Variants in MMRN1 observed in about 807,000 individuals in gnomAD.
The protein encoded by MMRN1 is multimerin 1, also known as multimerin-1.
In MMRN1, 94 loss-of-function variants were observed where a neutral mutation model predicts 100.7. The observed-to-expected ratio is 0.93, with a 90% CI of 0.79 to 1.11. MMRN1 has a LOEUF of 1.11. Among genes scored for constraint, MMRN1 ranks in the 50% least tolerant of loss-of-function variants. The pLI is 0.00. For missense variants in MMRN1, 1,606 were observed against 1,439.1 expected (o/e 1.12, Z -1.88); for synonymous variants, 575 against 505.0 (o/e 1.14, Z -1.86).
At chr4:89,944,602 T>A (rs890822186) in intron 6 of MMRN1, among the ~76,000 whole-genome samples, 2 of 152,108 alleles carry the variant, frequency 1.3e-5, no homozygotes, top group Non-Finnish European at 2.9e-5. Context: ...TGGATGAGGG[T>A]TGTTTAGAGG....
At chr4:89,907,737 C>T (rs1231790829) in intron 1 of MMRN1, among the ~76,000 whole-genome samples, 1 of 151,102 alleles carries the variant, frequency 6.6e-6, no homozygotes, top group Non-Finnish European at 1.5e-5. Context: ...ATTTTTAATT[C>T]ACATATTGTA....
chr4:89,952,552 G>A (rs1046062339), intron 7 of MMRN1, among the ~76,000 whole-genome samples: 4 of 151,986 alleles, frequency 2.6e-5, no homozygotes, highest in Admixed American at 1.3e-4. Context: ...TATGGTTTTC[G>A]TTTTAGCCTT....
At position 89,909,243 on chromosome 4, in the gene MMRN1, A is replaced by T. The variant is rs369013197; in HGVS notation, c.624-33A>T. ...ATGAAAAGAATTCTTTTTTGACAAC[A>T]GTTTTTTCCCTAACAATTATGATCT... On this transcript the variant is annotated intron_variant, in intron 1 of 7. Transcript: ENST00000264790. The T allele has an allele frequency of 3.9e-6, 6 of 1,549,774 alleles. No individual in the cohort carries two copies. In the African/African-American group the frequency reaches 7.0e-5, roughly 18 times the overall value.
At chr4:89,925,302 A>ATTTTTTT (rs1176427401) in intron 4 of MMRN1, among the ~76,000 whole-genome samples, 4 of 101,962 alleles carry the variant, frequency 3.9e-5, no homozygotes, top group Non-Finnish European at 5.6e-5. Flanking sequence ...TGCCTGGTTA[A>ATTTTTTT]TTTTTTTTTT....
Position 89,927,905 on chromosome 4 carries a change from T to TA in MMRN1, c.1067dup (p.Tyr356Ter). The change falls in exon 5 of 8, where the codon TAC becomes TAAC. Residue 356 changes from tyrosine to a stop codon, truncating the protein, a stop_gained and frameshift_variant. Coordinates refer to ENST00000264790, the MANE Select transcript of MMRN1 (RefSeq NM_007351.3). LOFTEE classifies it high-confidence loss of function. ...SLTVNDVRNT[Y>*]SSLEGKVSED... ...GACTGTGAATGATGTAAGGAACACT[T>TA]ACTCCTCCCTAGAAGGAAAAGTCAG... 1 of 1,611,122 alleles carries TA rather than the reference T, an allele frequency of 6.2e-7. No individual in the cohort carries two copies. Among genetic ancestry groups the TA allele is most frequent in the Non-Finnish European group, 8.5e-7 (1 of 1,178,690 alleles).
At chr4:89,914,522 A>G (rs1268991699) in intron 3 of MMRN1, among the ~76,000 whole-genome samples, 1 of 151,524 alleles carries the variant, frequency 6.6e-6, no homozygotes, top group Non-Finnish European at 1.5e-5. Flanking sequence ...ATCTAAATGA[A>G]TAGAACTTTA....
intron 6 of MMRN1, among the ~76,000 whole-genome samples, chr4:89,942,112 C>T (rs1204808927): frequency 1.3e-5 from 2 of 152,082 alleles, no homozygotes; most frequent in Non-Finnish European, 2.9e-5. Flanking sequence ...CTAACATTTG[C>T]TCTGACATGA....
At chr4:89,884,174 T>G (rs1038746765) in intron 1 of MMRN1, among the ~76,000 whole-genome samples, 1 of 152,156 alleles carries the variant, frequency 6.6e-6, no homozygotes, top group Non-Finnish European at 1.5e-5. Flanking sequence ...GAAAATTGTT[T>G]GAGTTTTTAG....
intron 3 of MMRN1, among the ~76,000 whole-genome samples, chr4:89,922,190 C>T (rs1560589002): frequency 1.3e-5 from 2 of 152,068 alleles, no homozygotes; most frequent in Non-Finnish European, 2.9e-5. Flanking sequence ...CTGCAACCTC[C>T]GCCTCCCGGG....
rs1473568198 is a variant in MMRN1 at position 89,936,290 on chromosome 4, C to T, written c.2610C>T (p.Thr870=). 9.3e-6 allele frequency: 15 copies of T among 1,611,682 alleles called. No individual in the cohort carries two copies. Among genetic ancestry groups the T allele is most frequent in the South Asian group, 1.1e-5 (1 of 90,428 alleles). ...TGCAAGACATTGAGTCTAAAGTTAC[C>T]CAGACGCTCATACCTTATTATATTT... The part of the protein sequence containing the change: ...TRLQDIESKV[T]QTLIPYYISV... Residue 870 remains threonine, a synonymous_variant, in exon 6 of 8, where the codon ACC becomes ACT. Transcript: ENST00000264790.
chr4:89,948,898 G>T (rs1161233580), intron 6 of MMRN1, among the ~76,000 whole-genome samples: 1 of 152,142 alleles, frequency 6.6e-6, no homozygotes, highest in Non-Finnish European at 1.5e-5. Context: ...GCTGTGTGCA[G>T]TCTCAAGAAG....
chr4:89,901,154 G>GAAAAAA (rs372841987), intron 1 of MMRN1, among the ~76,000 whole-genome samples: 11 of 112,156 alleles, frequency 9.8e-5, no homozygotes, highest in African/African-American at 3.3e-4. Flanking sequence ...GGGCTTTTAT[G>GAAAAAA]AAAAAAAAAA....
At chr4:89,924,911 G>A (rs1026958377) in intron 4 of MMRN1, among the ~76,000 whole-genome samples, 5 of 152,034 alleles carry the variant, frequency 3.3e-5, no homozygotes, top group African/African-American at 1.2e-4. Context: ...TGGGTACATA[G>A]TAGGTGTATG....
rs946722662 is a variant in MMRN1 at position 89,926,141 on chromosome 4, C to T, written c.956-1654C>T. Among the ~76,000 whole-genome samples the T allele has an allele frequency of 6.6e-5, 10 of 152,102 alleles. No homozygotes were observed. In the East Asian group the frequency reaches 7.7e-4, roughly 12 times the overall value. On this transcript the variant is annotated intron_variant, in intron 4 of 7. Coordinates refer to ENST00000264790, the MANE Select transcript of MMRN1 (RefSeq NM_007351.3). The stretch of plus-strand genomic sequence containing the variant: ...AGATTTCCTTTCTTTTGTGTGTATA[C>T]GTGGAAGTGGGATTGCTAGATCATA...
At chr4:89,883,514 A>G (rs1560575210) in intron 1 of MMRN1, among the ~76,000 whole-genome samples, 1 of 152,106 alleles carries the variant, frequency 6.6e-6, no homozygotes, top group Non-Finnish European at 1.5e-5. Flanking sequence ...ACATCTTTTC[A>G]CATGTCTGTT....
intron 4 of MMRN1, among the ~76,000 whole-genome samples, chr4:89,925,642 C>T (rs927916459): frequency 1.2e-4 from 18 of 151,814 alleles, no homozygotes; most frequent in South Asian, 8.4e-4. Flanking sequence ...ACATCCTGGC[C>T]AACATGGTGA....
rs1338175733 is a variant in MMRN1 at position 89,936,176 on chromosome 4, C to G, written c.2496C>G (p.Ser832=). The G allele has an allele frequency of 6.2e-7, 1 of 1,610,908 alleles. No individual in the cohort carries two copies. The highest frequency in any genetic ancestry group is 8.5e-7 in the Non-Finnish European group (1 of 1,179,168). The change falls in exon 6 of 8, where the codon TCC becomes TCG. Residue 832 remains serine, a synonymous_variant. Transcript: ENST00000264790. The part of the protein sequence containing the change: ...KMYQMFNETT[S]QVRKYQQNMS... ...ATCAAATGTTCAATGAAACCACTTC[C>G]CAAGTGAGAAAATACCAGCAAAATA... is the stretch of plus-strand genomic sequence containing the variant.
chr4:89,890,661 G>A (rs1042001712), upstream of MMRN1, among the ~76,000 whole-genome samples: 1 of 151,958 alleles, frequency 6.6e-6, no homozygotes, highest in Admixed American at 6.6e-5. Context: ...ATGAAAATAT[G>A]GTTATTTCTA....
At chr4:89,903,028 C>T (rs2110587722) in intron 1 of MMRN1, among the ~76,000 whole-genome samples, 1 of 151,930 alleles carries the variant, frequency 6.6e-6, no homozygotes, top group South Asian at 2.1e-4. Context: ...ATGAACTTGT[C>T]TTTTGGACTT....
Sources: allele counts gnomAD v4.1 joint callset (sites outside exome capture counted in the v4.1 genomes callset), GRCh38; gene constraint gnomAD v4.1.1; transcripts MANE v1.5; gene names NCBI Gene and HGNC (gene_info 2026-07-23, HGNC 2026-07-21).